Variants in LMBRD1 observed in about 807,000 individuals in gnomAD.
The protein encoded by LMBRD1 is LMBR1 domain containing 1.
Under a neutral mutation model 74.8 loss-of-function variants are expected in LMBRD1, and 64 were observed. That is an observed-to-expected ratio of 0.86 (90% CI 0.70 to 1.05). LMBRD1 has a LOEUF of 1.05. Among genes scored for constraint, LMBRD1 ranks in the 50% least tolerant of loss-of-function variants. LMBRD1 has a pLI of 0.00. For missense variants in LMBRD1, 652 were observed against 645.9 expected (o/e 1.01, Z -0.10); for synonymous variants, 204 against 216.3 (o/e 0.94, Z 0.50).
At chr6:69,743,246 A>G (rs1206975505) in intron 5 of LMBRD1, among the ~76,000 whole-genome samples, 1 of 152,184 alleles carries the variant, frequency 6.6e-6, no homozygotes, top group Non-Finnish European at 1.5e-5. Context: ...TGGGAAAACA[A>G]AAATTTCTAT....
chr6:69,727,468 T>TA, intron 7 of LMBRD1, among the ~76,000 whole-genome samples: 1 of 152,232 alleles, frequency 6.6e-6, no homozygotes, highest in South Asian at 2.1e-4. Flanking sequence ...AATTTCCCTC[T>TA]AATTACCTCA....
In LMBRD1 at chr6:69,698,684, G is replaced by A. The variant is rs76763187; in HGVS notation, c.1338+359C>T. On this transcript the variant is annotated intron_variant, in intron 13 of 15. Transcript: ENST00000649934. ...TAGGGGATTCATAGTGCCAATGAAC[G>A]GACATGCTGTGCTCACCAAAATGTT... is the stretch of plus-strand genomic sequence containing the variant. 7.4e-4 allele frequency among the ~76,000 whole-genome samples: 113 copies of A among 151,874 alleles called. 1 individual carries two copies. The East Asian group carries it at 0.017, about 23-fold the overall frequency.
At chr6:69,782,462 G>A (rs938363348) in intron 2 of LMBRD1, among the ~76,000 whole-genome samples, 6 of 152,176 alleles carry the variant, frequency 3.9e-5, no homozygotes, top group Admixed American at 2.0e-4. Context: ...GGCCAGGTGC[G>A]GTGGCTTACA....
chr6:69,790,575 G>C (rs955733397), intron 1 of LMBRD1, 103 bp from the exon 2 acceptor site: 8 of 1,129,970 alleles, frequency 7.1e-6, no homozygotes, highest in Admixed American at 3.7e-5. Context: ...GTGAAGTAAA[G>C]GTTATTTTAG....
chr6:69,793,400 G>C (rs909180238), intron 1 of LMBRD1, among the ~76,000 whole-genome samples: 4 of 152,200 alleles, frequency 2.6e-5, no homozygotes, highest in African/African-American at 9.7e-5. Flanking sequence ...ATCTGATTCA[G>C]TAGGACTGGG....
intron 14 of LMBRD1, among the ~76,000 whole-genome samples, chr6:69,696,504 T>C (rs1766000133): frequency 6.6e-6 from 1 of 152,130 alleles, no homozygotes; most frequent in African/African-American, 2.4e-5. Flanking sequence ...CCTTCCTCCC[T>C]CCAACCCCTA....
At chr6:69,791,877 A>G (rs1242280323) in intron 1 of LMBRD1, among the ~76,000 whole-genome samples, 2 of 152,206 alleles carry the variant, frequency 1.3e-5, no homozygotes, top group Admixed American at 6.5e-5. Context: ...GGCTAATAAG[A>G]CCCTGAAAAA....
chr6:69,779,678 C>T (rs1765784016), intron 3 of LMBRD1, among the ~76,000 whole-genome samples: 1 of 152,086 alleles, frequency 6.6e-6, no homozygotes, highest in Non-Finnish European at 1.5e-5. Context: ...CTTGACTGAA[C>T]TGCTACAAAG....
Position 69,700,780 on chromosome 6 carries a change from C to A in LMBRD1, c.1173G>T (p.Trp391Cys). The A allele has an allele frequency of 1.3e-6, 2 of 1,515,476 alleles. No homozygotes were observed. Among genetic ancestry groups the A allele is most frequent in the African/African-American group, 1.4e-5 (1 of 71,304 alleles). 93.9% of individuals were successfully genotyped at this position (1,515,476 alleles called of 1,614,324 possible). The change falls in exon 12 of 16, where the codon TGG (tryptophan) becomes TGT (cysteine). Residue 391 changes from tryptophan (W) to cysteine (C), a missense_variant. Trp to Cys is a radical substitution (Grantham distance 215). Coordinates refer to ENST00000649934, the MANE Select transcript of LMBRD1 (RefSeq NM_018368.4). Reference protein sequence around the residue: ...SMAGIRNIGIWFFWIRLYKIR... With the variant: ...SMAGIRNIGICFFWIRLYKIR... ...ATATACTTACTCTAATCCAAAAGAA[C>A]CATATGCCAATATTTCGAATTCCTG...
intron 6 of LMBRD1, among the ~76,000 whole-genome samples, chr6:69,740,259 A>T (rs868800332): frequency 1.3e-5 from 2 of 152,242 alleles, no homozygotes; most frequent in South Asian, 4.1e-4. Flanking sequence ...AGTGATAAGT[A>T]ACATGTATTC....
intron 14 of LMBRD1, among the ~76,000 whole-genome samples, chr6:69,679,823 G>C (rs1054045632): frequency 1.3e-5 from 2 of 152,012 alleles, no homozygotes; most frequent in African/African-American, 2.4e-5. Flanking sequence ...TCACAGAATT[G>C]CTATAAAGAT....
rs77732788 is a variant in LMBRD1, at chr6:69,763,711, C to T, written c.308-11355G>A. On this transcript the variant is annotated intron_variant, in intron 3 of 15. Transcript: ENST00000649934. ...AGAGCCTTGAGGTTTAACACTGCCC[C>T]GCAGAATGGTAGAGGCAGGACCATC... 7.0e-3 allele frequency among the ~76,000 whole-genome samples: 1,073 copies of T among 152,260 alleles called. 23 individuals are homozygous for T. In the East Asian group the frequency reaches 0.079, roughly 11 times the overall value.
intron 14 of LMBRD1, among the ~76,000 whole-genome samples, chr6:69,693,792 G>C (rs1765938606): frequency 6.6e-6 from 1 of 151,562 alleles, no homozygotes; most frequent in African/African-American, 2.4e-5. Flanking sequence ...GTCCTAATCT[G>C]GTTATCTTTC....
Position 69,703,886 on chromosome 6 carries a change from TC to T in LMBRD1, c.916-1934del, listed in dbSNP as rs548461949. Among the ~76,000 whole-genome samples the T allele has an allele frequency of 1.4e-3, 209 of 152,264 alleles. No individual in the cohort carries two copies. In the Middle Eastern group the frequency reaches 0.017, roughly 12 times the overall value. ...TTGAACAAGTCTTAATTATTATATA[TC>T]AATTTCTCTTGAACGAGGTCTTTCA... is the stretch of plus-strand genomic sequence containing the variant. On this transcript the variant is annotated intron_variant, in intron 9 of 15. Transcript: ENST00000649934.
At chr6:69,720,172 G>T (rs1325001028) in intron 7 of LMBRD1, among the ~76,000 whole-genome samples, 1 of 151,646 alleles carries the variant, frequency 6.6e-6, no homozygotes, top group Non-Finnish European at 1.5e-5. Flanking sequence ...TAACAAATCA[G>T]CTTTTTTTTT....
intron 7 of LMBRD1, among the ~76,000 whole-genome samples, chr6:69,726,552 A>G (rs1766739769): frequency 6.6e-6 from 1 of 152,234 alleles, no homozygotes; most frequent in Non-Finnish European, 1.5e-5. Context: ...AGCCATAAGA[A>G]GAGTAAGATT....
chr6:69,709,939 C>T (rs1255922392), intron 9 of LMBRD1, among the ~76,000 whole-genome samples: 1 of 151,942 alleles, frequency 6.6e-6, no homozygotes, highest in Non-Finnish European at 1.5e-5. Flanking sequence ...ATCAATTCTC[C>T]CCCAAATTTA....
chr6:69,749,283 T>A (rs1253510158), intron 5 of LMBRD1, 58 bp downstream of exon 5: 49 of 1,317,914 alleles, frequency 3.7e-5, no homozygotes, highest in Non-Finnish European at 5.0e-5. Context: ...CTTTTATTTT[T>A]TTTTTCAAAT....
intron 7 of LMBRD1, among the ~76,000 whole-genome samples, chr6:69,720,340 C>A (rs1426162124): frequency 6.6e-6 from 1 of 152,084 alleles, no homozygotes; most frequent in Non-Finnish European, 1.5e-5. Flanking sequence ...AGGAGAAACA[C>A]TTAAAAAACC....
Sources: allele counts gnomAD v4.1 joint callset (sites outside exome capture counted in the v4.1 genomes callset), GRCh38; gene constraint gnomAD v4.1.1; transcripts MANE v1.5; gene names NCBI Gene and HGNC (gene_info 2026-07-23, HGNC 2026-07-21).